The following THAP5 variants were observed in gnomAD, a reference collection of about 807,000 sequenced individuals.
The protein encoded by THAP5 is THAP domain containing 5, also known as THAP domain-containing protein 5.
THAP5 carries 26 observed loss-of-function variants against 34.0 expected under a neutral mutation model. The ratio of observed to expected loss-of-function variants is 0.77; its 90% CI spans 0.56 to 1.06. The LOEUF is 1.06. THAP5 is among the 50% of genes least tolerant of loss of function. The probability of loss-of-function intolerance (pLI) is 0.00; values close to 1 mark genes in which losing one functional copy is unlikely to be tolerated. For missense variants in THAP5, 394 were observed against 452.8 expected (o/e 0.87, Z 1.18); for synonymous variants, 125 against 153.0 (o/e 0.82, Z 1.35).
At chr7:108,568,391 G>A (rs1790533094) in intron 1 of THAP5, 1 of 153,640 alleles carries the variant, frequency 6.5e-6, no homozygotes, top group Admixed American at 6.5e-5. Flanking sequence ...TTTTAGTACA[G>A]ACGGGGTTTC....
downstream of THAP5, among the ~76,000 whole-genome samples, chr7:108,559,607 T>C (rs1864412138): frequency 6.6e-6 from 1 of 152,218 alleles, no homozygotes; most frequent in Middle Eastern, 3.2e-3. Flanking sequence ...AGTTCATTCT[T>C]ACACTGCTAT....
At chr7:108,550,897 A>T (rs866644926), downstream of THAP5, among the ~76,000 whole-genome samples, 17 of 152,256 alleles carry the variant, frequency 1.1e-4, no homozygotes, top group Middle Eastern at 3.4e-3. Flanking sequence ...TTTTCAGGGG[A>T]CACAATTCTT....
At chr7:108,544,426 G>A in the THAP5 span, among the ~76,000 whole-genome samples, 1 of 151,704 alleles carries the variant, frequency 6.6e-6, no homozygotes, top group Non-Finnish European at 1.5e-5. Context: ...AGCTACTCAG[G>A]AGGCCAAGGC....
chr7:108,569,571 ACT>A lies in THAP5; in HGVS notation c.-4_-3del. 6.4e-7 allele frequency: 1 copy of A among 1,551,422 alleles called. No homozygotes were observed. Among genetic ancestry groups the A allele is most frequent in the African/African-American group, 1.4e-5 (1 of 73,190 alleles). ...AATCGCTGCGCAATAGCGGGGCATGACTCGGGTGAGGCCCCTGGAGACCGGGG... is the reference window on the plus strand; with the variant it reads ...AATCGCTGCGCAATAGCGGGGCATGACGGGTGAGGCCCCTGGAGACCGGGG... On this transcript the variant is annotated 5_prime_UTR_variant, in exon 1 of 3. Transcript: ENST00000415914.
rs1484859290 is a variant in THAP5 at position 108,563,081 on chromosome 7, T to G, written c.*1110A>C. The G allele has an allele frequency of 3.3e-5, 5 of 152,188 alleles. No homozygotes were observed. The highest frequency in any genetic ancestry group is 7.4e-5 in the Non-Finnish European group (5 of 68,020). The allele number at this position is 152,188 out of a possible 1,614,324, so 9.4% of individuals were successfully genotyped here. ...CATTAAAATTTTTGGTTTATAAGTT[T>G]AACTGTATAAATACAGAAAGTTTAG... On this transcript the variant is annotated 3_prime_UTR_variant, in exon 3 of 3. Coordinates refer to ENST00000415914, the MANE Select transcript of THAP5 (RefSeq NM_001130475.3).
At position 108,564,064 on chromosome 7, in the gene THAP5, A is replaced by T; in HGVS notation, c.*127T>A. ...ATTACAAGAATAGGATACAGTTCATAACTTTACAACACTCTCATAGGTTCA... is the reference window on the plus strand; with the variant it reads ...ATTACAAGAATAGGATACAGTTCATTACTTTACAACACTCTCATAGGTTCA... On this transcript the variant is annotated 3_prime_UTR_variant, in exon 3 of 3. Coordinates refer to ENST00000415914, the MANE Select transcript of THAP5 (RefSeq NM_001130475.3). 1 of 739,792 alleles carries T rather than the reference A, an allele frequency of 1.4e-6. No homozygotes were observed. The highest frequency in any genetic ancestry group is 2.7e-5 in the East Asian group (1 of 36,384). The allele number at this position is 739,792 out of a possible 1,614,324, so 45.8% of individuals were successfully genotyped here. A position where few individuals can be genotyped will look rare whatever the true frequency, so the allele number is the denominator to read the frequency against.
the THAP5 span, among the ~76,000 whole-genome samples, chr7:108,545,685 G>C: frequency 6.6e-6 from 1 of 152,104 alleles, no homozygotes; most frequent in Non-Finnish European, 1.5e-5. Flanking sequence ...TTTAGGAGTG[G>C]CTGATAGATC....
At chr7:108,551,569 T>G (rs1045525765), downstream of THAP5, among the ~76,000 whole-genome samples, 2 of 152,228 alleles carry the variant, frequency 1.3e-5, no homozygotes, top group African/African-American at 4.8e-5. Flanking sequence ...GAAAATAGAC[T>G]AAGACGTCCA....
chr7:108,550,211 T>C (rs1425070670), downstream of THAP5, among the ~76,000 whole-genome samples: 1 of 152,234 alleles, frequency 6.6e-6, no homozygotes, highest in Admixed American at 6.5e-5. Context: ...ATCTTTCTTT[T>C]TACTTTTTGC....
chr7:108,569,392 G>A (rs927179062), intron 1 of THAP5, 98 bp downstream of exon 1: 8 of 1,539,696 alleles, frequency 5.2e-6, no homozygotes, highest in Non-Finnish European at 7.0e-6. Context: ...GAGAGCTGAG[G>A]ACTCACTGGC....
chr7:108,547,235 T>A, the THAP5 span, among the ~76,000 whole-genome samples: 1 of 152,218 alleles, frequency 6.6e-6, no homozygotes, highest in Non-Finnish European at 1.5e-5. Context: ...CGGATTAACT[T>A]ATTTTTCATC....
downstream of THAP5, among the ~76,000 whole-genome samples, chr7:108,550,977 A>G (rs774787987): frequency 3.3e-5 from 5 of 152,072 alleles, no homozygotes; most frequent in Non-Finnish European, 5.9e-5. Context: ...TTCAACTTTA[A>G]TCTTCTAACT....
chr7:108,562,413 ATAAT>A lies in THAP5; in HGVS notation c.*1774_*1777del, dbSNP rs1249693401. The A allele has an allele frequency of 6.6e-6, 1 of 152,214 alleles. No homozygotes were observed. The highest frequency in any genetic ancestry group is 1.5e-5 in the Non-Finnish European group (1 of 68,028). 9.4% of individuals were successfully genotyped at this position (152,214 alleles called of 1,614,324 possible). A position where few individuals can be genotyped will look rare whatever the true frequency, so the allele number is the denominator to read the frequency against. ...TCACCTAAGACATTTCTAATCTTTT[ATAAT>A]TAGTTGACTCACTTTCATATAGTAC... On this transcript the variant is annotated 3_prime_UTR_variant, in exon 3 of 3. Coordinates refer to ENST00000415914, the MANE Select transcript of THAP5 (RefSeq NM_001130475.3).
downstream of THAP5, among the ~76,000 whole-genome samples, chr7:108,552,194 G>A (rs1244283994): frequency 6.6e-6 from 1 of 152,114 alleles, no homozygotes; most frequent in East Asian, 1.9e-4. Flanking sequence ...CTTTTGCCAG[G>A]TAAGGAGCGA....
At chr7:108,561,917 T>C (rs1864436729), downstream of THAP5, among the ~76,000 whole-genome samples, 1 of 152,144 alleles carries the variant, frequency 6.6e-6, no homozygotes, top group Non-Finnish European at 1.5e-5. Context: ...TACCGGAGAA[T>C]GATTATTATG....
At chr7:108,566,633 G>A (rs1335734231) in intron 1 of THAP5, among the ~76,000 whole-genome samples, 2 of 152,094 alleles carry the variant, frequency 1.3e-5, no homozygotes, top group Non-Finnish European at 2.9e-5. Context: ...TATAACCAAT[G>A]AACTGGGAAC....
At chr7:108,558,540 G>A (rs1864404099), downstream of THAP5, among the ~76,000 whole-genome samples, 1 of 150,744 alleles carries the variant, frequency 6.6e-6, no homozygotes, top group Admixed American at 6.6e-5. Flanking sequence ...TAGGATTACA[G>A]GCACGCGCCA....
the THAP5 span, among the ~76,000 whole-genome samples, chr7:108,549,386 C>T: frequency 6.6e-6 from 1 of 152,176 alleles, no homozygotes; most frequent in Non-Finnish European, 1.5e-5. Context: ...TCCCAAAGTG[C>T]TGGGATTACA....
downstream of THAP5, among the ~76,000 whole-genome samples, chr7:108,551,578 C>G (rs925440784): frequency 1.3e-5 from 2 of 152,182 alleles, no homozygotes; most frequent in Admixed American, 6.5e-5. Context: ...CTAAGACGTC[C>G]ACATCTTTAT....
Sources: gnomAD v4.1 joint callset for allele counts (sites outside exome capture counted in the v4.1 genomes callset) on GRCh38, gnomAD v4.1.1 for gene constraint, MANE v1.5 for transcripts, NCBI Gene and HGNC (gene_info 2026-07-23, HGNC 2026-07-21) for gene names.